The following NXPH1 variants were observed in gnomAD, a reference collection of about 807,000 sequenced individuals.
NXPH1 encodes the protein neurexophilin 1, also known as neurexophilin-1.
NXPH1 carries 5 observed loss-of-function variants against 23.7 expected under a neutral mutation model. The observed-to-expected ratio is 0.21, with a 90% CI of 0.11 to 0.44. The LOEUF is 0.44. Among genes scored for constraint, NXPH1 ranks in the 20% least tolerant of loss-of-function variants. NXPH1 has a pLI of 0.99. For missense variants in NXPH1, 324 were observed against 321.6 expected, an observed-to-expected ratio of 1.01 and a Z score of -0.06; for synonymous variants, 144 against 122.2, an observed-to-expected ratio of 1.18 and a Z score of -1.18.
chr7:8,495,354 T>G (rs1183358275), intron 2 of NXPH1, among the ~76,000 whole-genome samples: 1 of 135,572 alleles, frequency 7.4e-6, no homozygotes, highest in Non-Finnish European at 1.7e-5. Context: ...GTCTACTGAT[T>G]TAAAGATTAA....
chr7:8,597,939 C>T (rs890384564), intron 2 of NXPH1, among the ~76,000 whole-genome samples: 15 of 151,778 alleles, frequency 9.9e-5, no homozygotes, highest in Admixed American at 3.3e-4. Context: ...TCTTTTACTG[C>T]GGAGAGTGGT....
chr7:8,556,871 T>C (rs1818365799), intron 2 of NXPH1, among the ~76,000 whole-genome samples: 1 of 151,706 alleles, frequency 6.6e-6, no homozygotes, highest in African/African-American at 2.4e-5. Context: ...GGCTTATACA[T>C]GATTTCTCAT....
At chr7:8,504,427 A>G (rs1216575006) in intron 2 of NXPH1, among the ~76,000 whole-genome samples, 1 of 151,918 alleles carries the variant, frequency 6.6e-6, no homozygotes, top group African/African-American at 2.4e-5. Context: ...AGTTCATAAG[A>G]CTCAATTAGA....
At chr7:8,492,250 T>C (rs528966082) in intron 2 of NXPH1, among the ~76,000 whole-genome samples, 1 of 152,228 alleles carries the variant, frequency 6.6e-6, no homozygotes, top group Non-Finnish European at 1.5e-5. Flanking sequence ...CGTTTTGACG[T>C]GCTAATCTTG....
At chr7:8,576,013 T>A (rs975877507) in intron 2 of NXPH1, among the ~76,000 whole-genome samples, 4 of 152,294 alleles carry the variant, frequency 2.6e-5, no homozygotes, top group African/African-American at 9.6e-5. Flanking sequence ...AAACTTCCCA[T>A]CTCAATAGGG....
At chr7:8,711,812 GGGTAAGC>G (rs1779800376) in intron 2 of NXPH1, among the ~76,000 whole-genome samples, 1 of 152,158 alleles carries the variant, frequency 6.6e-6, no homozygotes, top group Admixed American at 6.5e-5. Flanking sequence ...CTGAATGCCA[GGGTAAGC>G]GATATTCTAA....
chr7:8,493,823 A>C (rs779269233), intron 2 of NXPH1, among the ~76,000 whole-genome samples: 1 of 151,996 alleles, frequency 6.6e-6, no homozygotes, highest in Non-Finnish European at 1.5e-5. Context: ...GAGTACATGA[A>C]AAGTTAGCTC....
chr7:8,557,947 G>A (rs1423030516), intron 2 of NXPH1, among the ~76,000 whole-genome samples: 1 of 151,578 alleles, frequency 6.6e-6, no homozygotes, highest in Non-Finnish European at 1.5e-5. Context: ...AGCTTTGAAT[G>A]TACTTCATCT....
chr7:8,733,930 CT>C (rs1327104191), intron 2 of NXPH1, among the ~76,000 whole-genome samples: 1 of 152,084 alleles, frequency 6.6e-6, no homozygotes, highest in African/African-American at 2.4e-5. Context: ...GCTTTTAGTG[CT>C]TTAGTCATGA....
chr7:8,682,252 T>G (rs1210114314), intron 2 of NXPH1, among the ~76,000 whole-genome samples: 1 of 152,156 alleles, frequency 6.6e-6, no homozygotes, highest in Non-Finnish European at 1.5e-5. Flanking sequence ...GAAATAGTAA[T>G]TCTCAAACCT....
chr7:8,582,071 CG>C (rs764175971), intron 2 of NXPH1, among the ~76,000 whole-genome samples: 40 of 152,146 alleles, frequency 2.6e-4, no homozygotes, highest in Non-Finnish European at 5.0e-4. Flanking sequence ...TGGGCAGCTC[CG>C]GGCACCAGCA....
At chr7:8,707,846 TAAA>T (rs1779727716) in intron 2 of NXPH1, among the ~76,000 whole-genome samples, 2 of 152,194 alleles carry the variant, frequency 1.3e-5, no homozygotes, top group Admixed American at 6.5e-5. Context: ...AAAAAAGAAA[TAAA>T]TTGTATTATT....
intron 2 of NXPH1, among the ~76,000 whole-genome samples, chr7:8,604,154 GTCAGAA>G (rs1363885152): frequency 1.3e-5 from 2 of 152,222 alleles, no homozygotes; most frequent in East Asian, 3.9e-4. Flanking sequence ...CATTTTCTAA[GTCAGAA>G]TCATGTACTA....
intron 2 of NXPH1, among the ~76,000 whole-genome samples, chr7:8,712,425 A>AAT (rs1779811752): frequency 6.6e-6 from 1 of 152,206 alleles, no homozygotes; most frequent in African/African-American, 2.4e-5. Context: ...TGCTTTGACA[A>AAT]ATGAGTAGCT....
At chr7:8,525,634 G>C (rs960110274) in intron 2 of NXPH1, among the ~76,000 whole-genome samples, 1 of 152,148 alleles carries the variant, frequency 6.6e-6, no homozygotes, top group African/African-American at 2.4e-5. Flanking sequence ...GGCAGGCTAG[G>C]GACATGGTAC....
chr7:8,710,587 A>C (rs1779772750), intron 2 of NXPH1, among the ~76,000 whole-genome samples: 1 of 151,652 alleles, frequency 6.6e-6, no homozygotes. Flanking sequence ...CAAACTCATA[A>C]ATCTTTTCAG....
chr7:8,662,998 A>T (rs891545501), intron 2 of NXPH1, among the ~76,000 whole-genome samples: 7 of 152,112 alleles, frequency 4.6e-5, no homozygotes, highest in Non-Finnish European at 2.9e-5. Flanking sequence ...TGCTAAAGGA[A>T]GGTATGAGTG....
At chr7:8,709,747 A>G (rs183117056) in intron 2 of NXPH1, among the ~76,000 whole-genome samples, 70 of 152,290 alleles carry the variant, frequency 4.6e-4, no homozygotes, top group Non-Finnish European at 7.9e-4. Flanking sequence ...TAGATAAATT[A>G]TTTTTCTAGT....
chr7:8,699,954 A>C (rs1779596969), intron 2 of NXPH1, among the ~76,000 whole-genome samples: 1 of 152,194 alleles, frequency 6.6e-6, no homozygotes, highest in Non-Finnish European at 1.5e-5. Context: ...TTATCTTCAC[A>C]GAATCAAATT....
Sources: gnomAD v4.1 joint callset for allele counts (sites outside exome capture counted in the v4.1 genomes callset) on GRCh38, gnomAD v4.1.1 for gene constraint, MANE v1.5 for transcripts, NCBI Gene and HGNC (gene_info 2026-07-23, HGNC 2026-07-21) for gene names.